TMEM272: variants seen among roughly 807,000 people sequenced by gnomAD.
The protein encoded by TMEM272 is transmembrane protein 272.
TMEM272 carries 8 observed loss-of-function variants against 3.7 expected under a neutral mutation model. The observed-to-expected ratio is 2.17, with a 90% confidence interval of 1.27 to 3.91. TMEM272 has a LOEUF of 3.91. Ranked by LOEUF, TMEM272 falls within the 30% of genes most tolerant of loss-of-function variation. The pLI, the probability that TMEM272 is intolerant of heterozygous loss-of-function variation, is 0.00. For synonymous variants in TMEM272, 63 were observed against 39.8 expected (o/e 1.58, Z -2.20); for missense variants, 166 against 91.5 (o/e 1.81, Z -3.32).
intron 1 of TMEM272, among the ~76,000 whole-genome samples, chr13:51,841,263 C>T (rs1956261259): frequency 6.6e-6 from 1 of 152,228 alleles, no homozygotes; most frequent in South Asian, 2.1e-4. Context: ...TCACATCTTC[C>T]AGCCACGAAC....
chr13:51,930,731 A>G, the TMEM272 span, among the ~76,000 whole-genome samples: 1 of 150,352 alleles, frequency 6.7e-6, no homozygotes, highest in Non-Finnish European at 1.5e-5. Context: ...CTACTAAAAC[A>G]CTGTCATAAT....
At chr13:51,822,405 T>TGC (rs1956087518) in intron 3 of TMEM272, among the ~76,000 whole-genome samples, 1 of 152,202 alleles carries the variant, frequency 6.6e-6, no homozygotes, top group Non-Finnish European at 1.5e-5. Context: ...TTCTGGGTAT[T>TGC]AACTGGCTAT....
At chr13:51,910,668 G>A in the TMEM272 span, 2 of 464,616 alleles carry the variant, frequency 4.3e-6, no homozygotes, top group South Asian at 3.9e-5. Context: ...ATGGCCTGTC[G>A]AGGCCACAAT....
the TMEM272 span, among the ~76,000 whole-genome samples, chr13:51,914,231 T>C: frequency 6.6e-6 from 1 of 152,214 alleles, no homozygotes; most frequent in African/African-American, 2.4e-5. Context: ...CATGCAGAGT[T>C]GGATCGTGTA....
the TMEM272 span, among the ~76,000 whole-genome samples, chr13:51,896,698 C>T: frequency 1.2e-3 from 188 of 152,286 alleles, no homozygotes; most frequent in African/African-American, 4.2e-3. Context: ...CTCCAGAACC[C>T]GGCTGAGTAC....
At position 51,821,934 on chromosome 13, in the gene TMEM272, C is replaced by A. The variant is rs988101120; in HGVS notation, c.201+121G>T. 4.4e-6 allele frequency: 3 copies of A among 686,084 alleles called. No homozygotes were observed. The African/African-American group carries it at 5.3e-5, about 12-fold the overall frequency. 42.5% of individuals were successfully genotyped at this position (686,084 alleles called of 1,614,324 possible). ...GAGCTAGCCCCATCACTTCAGCAACCACGCTTAGGGGGAAGTTGTTTTGTC... is the reference window on the plus strand; with the variant it reads ...GAGCTAGCCCCATCACTTCAGCAACAACGCTTAGGGGGAAGTTGTTTTGTC... On this transcript the variant is annotated intron_variant, in intron 4 of 4. Coordinates refer to ENST00000629372, the MANE Select transcript of TMEM272 (RefSeq NM_001351003.2).
the TMEM272 span, chr13:51,909,720 T>C: frequency 1.3e-6 from 2 of 1,545,314 alleles, no homozygotes; most frequent in Non-Finnish European, 1.8e-6. Flanking sequence ...GTAAGCACCA[T>C]CTTTCAATTC....
chr13:51,871,518 AG>A, the TMEM272 span, among the ~76,000 whole-genome samples: 1 of 152,076 alleles, frequency 6.6e-6, no homozygotes, highest in Non-Finnish European at 1.5e-5. Context: ...AAGGACACAT[AG>A]GGAGCAAATG....
the TMEM272 span, among the ~76,000 whole-genome samples, chr13:51,885,037 C>CA: frequency 1.3e-5 from 2 of 152,234 alleles, no homozygotes; most frequent in East Asian, 3.9e-4. Flanking sequence ...ATTTGTATGC[C>CA]AGTCAAAGTC....
chr13:51,889,932 T>G, the TMEM272 span, among the ~76,000 whole-genome samples: 1 of 152,148 alleles, frequency 6.6e-6, no homozygotes, highest in Non-Finnish European at 1.5e-5. Context: ...TGAGCCACCA[T>G]GCCCAGCCAA....
At chr13:51,870,715 A>G in the TMEM272 span, among the ~76,000 whole-genome samples, 2 of 152,312 alleles carry the variant, frequency 1.3e-5, no homozygotes, top group Middle Eastern at 3.4e-3. Flanking sequence ...AAAGCCAAGA[A>G]CCAACCCAAC....
At chr13:51,914,755 G>A in the TMEM272 span, among the ~76,000 whole-genome samples, 1 of 152,214 alleles carries the variant, frequency 6.6e-6, no homozygotes, top group Non-Finnish European at 1.5e-5. Context: ...CTGGGCACCA[G>A]CCCACATCTA....
At chr13:51,855,925 G>A in the TMEM272 span, among the ~76,000 whole-genome samples, 2 of 152,176 alleles carry the variant, frequency 1.3e-5, no homozygotes, top group Non-Finnish European at 2.9e-5. Context: ...ATAATCACCT[G>A]ATGGGTTCTT....
chr13:51,866,723 G>A, the TMEM272 span, among the ~76,000 whole-genome samples: 1 of 152,190 alleles, frequency 6.6e-6, no homozygotes, highest in African/African-American at 2.4e-5. Flanking sequence ...TGGGGGCTGA[G>A]ACTCAAGAGT....
the TMEM272 span, among the ~76,000 whole-genome samples, chr13:51,854,163 T>TGAATAAA: frequency 6.6e-6 from 1 of 152,332 alleles, no homozygotes; most frequent in African/African-American, 2.4e-5. Context: ...CTCGCTGATG[T>TGAATAAA]TAAGTGATTT....
At chr13:51,834,907 G>A (rs937531029) in intron 2 of TMEM272, among the ~76,000 whole-genome samples, 6 of 152,222 alleles carry the variant, frequency 3.9e-5, no homozygotes, top group Non-Finnish European at 8.8e-5. Context: ...GATCCTCCAG[G>A]GTGGCAGCAG....
the TMEM272 span, among the ~76,000 whole-genome samples, chr13:51,864,125 TTTC>T: frequency 2.6e-5 from 4 of 151,504 alleles, no homozygotes; most frequent in Non-Finnish European, 4.4e-5. Flanking sequence ...CTCTTTTTCT[TTTC>T]TTTTTTTCTT....
At chr13:51,932,296 A>C in the TMEM272 span, 1 of 152,228 alleles carries the variant, frequency 6.6e-6, no homozygotes, top group African/African-American at 2.4e-5. Context: ...AAGGAACCCA[A>C]AACATATCCC....
At chr13:51,860,837 GTGTA>G in the TMEM272 span, among the ~76,000 whole-genome samples, 1,716 of 149,790 alleles carry the variant, frequency 0.011, 40 homozygotes, top group African/African-American at 0.038. Flanking sequence ...GTGTGTGTGT[GTGTA>G]TATATATGTA....
Sources: allele counts gnomAD v4.1 joint callset (sites outside exome capture counted in the v4.1 genomes callset), GRCh38; gene constraint gnomAD v4.1.1; transcripts MANE v1.5; gene names NCBI Gene and HGNC (gene_info 2026-07-23, HGNC 2026-07-21).